CACNA1C: variants seen among roughly 807,000 people sequenced by gnomAD.
CACNA1C encodes calcium voltage-gated channel subunit alpha1 C, also known as voltage-dependent L-type calcium channel subunit alpha-1C.
CACNA1C carries 30 observed loss-of-function variants against 229.0 expected under a neutral mutation model. The observed-to-expected ratio is 0.13, with a 90% confidence interval of 0.10 to 0.18. The LOEUF is 0.18. Ranked by LOEUF, CACNA1C falls within the 10% of genes least tolerant of loss-of-function variation. The pLI, the probability that CACNA1C is intolerant of heterozygous loss-of-function variation, is 1.00. For missense variants in CACNA1C, 1,658 were observed against 2,845.0 expected, an observed-to-expected ratio of 0.58 and a Z score of 9.49; for synonymous variants, 1,114 against 1,132.5, an observed-to-expected ratio of 0.98 and a Z score of 0.33.
chr12:2,185,666 A>G (rs2096977240), intron 3 of CACNA1C, among the ~76,000 whole-genome samples: 1 of 152,212 alleles, frequency 6.6e-6, no homozygotes, highest in Admixed American at 6.5e-5. Context: ...GCCTCATGAG[A>G]CATCCACCCT....
chr12:2,172,491 C>G (rs1265113527), intron 3 of CACNA1C, among the ~76,000 whole-genome samples: 1 of 152,198 alleles, frequency 6.6e-6, no homozygotes, highest in Non-Finnish European at 1.5e-5. Context: ...GATAATCTCA[C>G]AATTTTATGT....
Position 2,610,648 on chromosome 12 carries a change from G to A in CACNA1C, c.3666G>A (p.Glu1222=). Residue 1222 remains glutamate, a synonymous_variant, in exon 28 of 47, where the codon GAG becomes GAA. Transcript: ENST00000399655. The part of the protein sequence containing the change: ...VWYVVNSTYF[E]YLMFVLILLN... ...ACGTGGTCAACTCCACCTACTTCGAGTACCTGATGTTCGTCCTCATCCTGC... is the reference window on the plus strand; with the variant it reads ...ACGTGGTCAACTCCACCTACTTCGAATACCTGATGTTCGTCCTCATCCTGC... 1 of 1,614,240 alleles carries A rather than the reference G, an allele frequency of 6.2e-7. No homozygotes were observed. The highest frequency in any genetic ancestry group is 8.5e-7 in the Non-Finnish European group (1 of 1,180,050).
At position 2,275,545 on chromosome 12, in the gene CACNA1C, C is replaced by G. The variant is rs1363626444; in HGVS notation, c.477+155115C>G. Among the ~76,000 whole-genome samples the G allele has an allele frequency of 6.6e-6, 1 of 151,296 alleles. No homozygotes were observed. Among genetic ancestry groups the G allele is most frequent in the Non-Finnish European group, 1.5e-5 (1 of 67,772 alleles). ...CTCGCAACCCCCACGCAGCCCCACC[C>G]TTGACCTGCCACCTCCATCTGCACC... On this transcript the variant is annotated intron_variant, in intron 3 of 46. Transcript: ENST00000399655. This position sits in a 1 kb window ranked among gnomAD's most constrained non-coding sequence, Gnocchi z 4.1.
chr12:2,522,527 G>A (rs1283987099), intron 9 of CACNA1C, among the ~76,000 whole-genome samples: 11 of 152,138 alleles, frequency 7.2e-5, no homozygotes, highest in South Asian at 2.1e-4. Flanking sequence ...AAAGTGGGCC[G>A]AGAGGAAAGT....
chr12:2,106,802 CA>C (rs2078985649), intron 1 of CACNA1C, among the ~76,000 whole-genome samples: 2 of 134,146 alleles, frequency 1.5e-5, no homozygotes, highest in South Asian at 2.5e-4. Context: ...ACTGGGTGCT[CA>C]CCCCGGGGAG....
At chr12:2,018,817 C>A (rs116942896) in intron 1 of CACNA1C, among the ~76,000 whole-genome samples, 3,966 of 152,226 alleles carry the variant, frequency 0.026, 85 homozygotes, top group Middle Eastern at 0.044. Flanking sequence ...GTAGAATGAT[C>A]GTGATGAAAC....
chr12:2,016,745 G>C (rs1254438646), intron 1 of CACNA1C, among the ~76,000 whole-genome samples: 1 of 152,092 alleles, frequency 6.6e-6, no homozygotes. Flanking sequence ...AAACATTTCT[G>C]AGAACAGTAC....
At position 2,309,930 on chromosome 12, in the gene CACNA1C, G is replaced by C. The variant is rs1455181393; in HGVS notation, c.478-139046G>C. Among the ~76,000 whole-genome samples, 7 of 152,342 alleles carry C rather than the reference G, an allele frequency of 4.6e-5. No homozygotes were observed. In the South Asian group the frequency reaches 1.5e-3, roughly 32 times the overall value. ...GCATGAGTTTCCGAGGTTTCTTAAA[G>C]GTCTGTATGGTATCTCTCACCCTCT... On this transcript the variant is annotated intron_variant, in intron 3 of 46. Coordinates refer to ENST00000399655, the MANE Select transcript of CACNA1C (RefSeq NM_000719.7).
At chr12:2,007,809 GA>G (rs2043722783) in intron 1 of CACNA1C, among the ~76,000 whole-genome samples, 9 of 152,126 alleles carry the variant, frequency 5.9e-5, no homozygotes, top group African/African-American at 2.2e-4. Flanking sequence ...CCTTTTCCTG[GA>G]AAACTCACCT....
intron 11 of CACNA1C, among the ~76,000 whole-genome samples, chr12:2,563,444 G>A (rs1331430425): frequency 6.6e-6 from 1 of 152,180 alleles, no homozygotes; most frequent in Admixed American, 6.5e-5. Flanking sequence ...CAAGTGGTAG[G>A]CCAGTGTCGC....
Position 2,512,966 on chromosome 12 carries a change from G to A in CACNA1C, c.1372G>A (p.Glu458Lys). 6.2e-7 allele frequency: 1 copy of A among 1,605,738 alleles called. No homozygotes were observed. Among genetic ancestry groups the A allele is most frequent in the Non-Finnish European group, 8.5e-7 (1 of 1,176,120 alleles). The change falls in exon 9 of 47, where the codon GAG becomes AAG. Residue 458 changes from glutamate (E) to lysine (K), a missense_variant. Around this residue, in one of 20 missense-constraint regions of CACNA1C, gnomAD observed 149 missense variants for 194.2 expected, o/e 0.77. Transcript: ENST00000399655. The surrounding 1 kb of genome is among the most constrained non-coding windows in gnomAD (Gnocchi z 4.3). The part of the protein sequence containing the change: ...DPENEDEGMD[E>K]EKPRNMSMPT... ...TGAGAATGAGGACGAAGGCATGGATGAGGAGAAGCCCCGAAACAGTGAGCA... is the reference window on the plus strand; with the variant it reads ...TGAGAATGAGGACGAAGGCATGGATAAGGAGAAGCCCCGAAACAGTGAGCA...
At chr12:2,096,681 A>G (rs1000117373) in intron 1 of CACNA1C, among the ~76,000 whole-genome samples, 1 of 152,238 alleles carries the variant, frequency 6.6e-6, no homozygotes, top group African/African-American at 2.4e-5. Context: ...ATCAAGCACT[A>G]TCTGTCTCTA....
intron 5 of CACNA1C, among the ~76,000 whole-genome samples, chr12:2,471,261 G>A (rs1485762128): frequency 6.6e-6 from 1 of 152,168 alleles, no homozygotes; most frequent in East Asian, 1.9e-4. Flanking sequence ...CCCTTGTCCT[G>A]TGTGATTACT....
In CACNA1C at chr12:2,648,502, T is replaced by C. The variant is rs1020346262; in HGVS notation, c.3940T>C (p.Ser1314Pro). Residue 1314 changes from serine (S) to proline (P), a missense_variant, in exon 31 of 47, where the codon TCT becomes CCT. By Grantham distance (74) the Ser-to-Pro change is moderately conservative. Around this residue, in one of 20 missense-constraint regions of CACNA1C, gnomAD observed 38 missense variants for 53.3 expected, o/e 0.71. Transcript: ENST00000399655. The stretch of plus-strand genomic sequence containing the variant: ...AGCTGAACATACCCAATGCTCTCCC[T>C]CTATGGTAAGACCAACCCTCCCGAC... ...NPAEHTQCSPSMNAEENSRIS... is the reference protein window; with the variant it reads ...NPAEHTQCSPPMNAEENSRIS... The C allele has an allele frequency of 6.2e-7, 1 of 1,613,876 alleles. No homozygotes were observed. Among genetic ancestry groups the C allele is most frequent in the Non-Finnish European group, 8.5e-7 (1 of 1,179,796 alleles).
At chr12:2,509,524 A>G (rs923220235) in intron 8 of CACNA1C, among the ~76,000 whole-genome samples, 4 of 152,178 alleles carry the variant, frequency 2.6e-5, no homozygotes, top group African/African-American at 9.7e-5. Context: ...AAGACACCTT[A>G]TTTAATATAT....
chr12:2,597,293 A>C lies in CACNA1C; in HGVS notation c.2853+4A>C. ...CACCATTGAAATTGCTCTGAAGGTA[A>C]AGCCCCCATCCCCTTCTGCTCCTCC... On this transcript the variant is annotated splice_donor_region_variant and intron_variant, in intron 21 of 46. Coordinates refer to ENST00000399655, the MANE Select transcript of CACNA1C (RefSeq NM_000719.7). The surrounding 1 kb of genome is among the most constrained non-coding windows in gnomAD (Gnocchi z 4.3). 2 of 1,607,640 alleles carry C rather than the reference A, an allele frequency of 1.2e-6. No homozygotes were observed. Among genetic ancestry groups the C allele is most frequent in the Non-Finnish European group, 1.7e-6 (2 of 1,174,382 alleles).
chr12:2,415,290 C>A (rs998433818), intron 3 of CACNA1C, among the ~76,000 whole-genome samples: 1 of 152,248 alleles, frequency 6.6e-6, no homozygotes, highest in Non-Finnish European at 1.5e-5. Context: ...GTAGGCTCAA[C>A]CATTCGCCTG....
At chr12:2,332,521 A>G (rs1304111834) in intron 3 of CACNA1C, among the ~76,000 whole-genome samples, 1 of 152,252 alleles carries the variant, frequency 6.6e-6, no homozygotes, top group African/African-American at 2.4e-5. Flanking sequence ...TGTATTAAGA[A>G]TCTTAAAAAT....
At chr12:2,531,116 A>G (rs2099839994) in intron 9 of CACNA1C, among the ~76,000 whole-genome samples, 2 of 152,252 alleles carry the variant, frequency 1.3e-5, no homozygotes, top group Non-Finnish European at 1.5e-5. Flanking sequence ...CCTTTTGCCC[A>G]TATTATCTTT....
Sources: allele counts gnomAD v4.1 joint callset (sites outside exome capture counted in the v4.1 genomes callset), GRCh38; gene constraint gnomAD v4.1.1; regional missense constraint gnomAD v4.1.1; non-coding constraint Gnocchi (gnomAD v3.1); transcripts MANE v1.5; gene names NCBI Gene and HGNC (gene_info 2026-07-23, HGNC 2026-07-21).